The following FAM228B variants were observed in gnomAD, a reference collection of about 807,000 sequenced individuals.
FAM228B encodes family with sequence similarity 228 member B, also known as protein FAM228B.
FAM228B carries 38 observed loss-of-function variants against 42.6 expected under a neutral mutation model. The ratio of observed to expected loss-of-function variants is 0.89; its 90% CI spans 0.69 to 1.17. FAM228B has a LOEUF of 1.17. Ranked by LOEUF, FAM228B falls within the 50% of genes most tolerant of loss-of-function variation. FAM228B has a pLI of 0.00. For missense variants in FAM228B, 344 were observed against 367.3 expected, an observed-to-expected ratio of 0.94 and a Z score of 0.52; for synonymous variants, 109 against 122.3, an observed-to-expected ratio of 0.89 and a Z score of 0.72.
At chr2:24,163,091 CATAATA>C (rs550917090) in intron 8 of FAM228B, among the ~76,000 whole-genome samples, 1 of 151,998 alleles carries the variant, frequency 6.6e-6, no homozygotes, top group African/African-American at 2.4e-5. Context: ...TAAAATTGTT[CATAATA>C]ATAATAAAAA....
chr2:24,106,605 C>T (rs1205022117), intron 3 of FAM228B, among the ~76,000 whole-genome samples: 2 of 152,094 alleles, frequency 1.3e-5, no homozygotes, highest in Non-Finnish European at 2.9e-5. Flanking sequence ...CAGGTATGAG[C>T]CACCTTACCT....
intron 7 of FAM228B, among the ~76,000 whole-genome samples, chr2:24,151,473 T>C (rs1297295405): frequency 6.6e-6 from 1 of 151,590 alleles, no homozygotes; most frequent in African/African-American, 2.4e-5. Flanking sequence ...TGTATTTTTA[T>C]TAGAGATGGG....
intron 3 of FAM228B, among the ~76,000 whole-genome samples, chr2:24,103,858 G>A (rs567465577): frequency 6.6e-6 from 1 of 152,154 alleles, no homozygotes; most frequent in Non-Finnish European, 1.5e-5. Flanking sequence ...GAAATTATTG[G>A]CATGGGGGCT....
intron 3 of FAM228B, among the ~76,000 whole-genome samples, chr2:24,136,867 C>T (rs1666604101): frequency 6.6e-6 from 1 of 152,142 alleles, no homozygotes; most frequent in African/African-American, 2.4e-5. Flanking sequence ...CCACTATTTC[C>T]AAAACTTTTT....
intron 2 of FAM228B, among the ~76,000 whole-genome samples, chr2:24,089,311 G>A (rs565529175): frequency 1.3e-5 from 2 of 152,210 alleles, no homozygotes; most frequent in African/African-American, 4.8e-5. Flanking sequence ...AATAGCCAAG[G>A]TCTGAAAGAC....
chr2:24,136,051 TTC>T (rs1458988066), intron 3 of FAM228B, among the ~76,000 whole-genome samples: 1 of 94,138 alleles, frequency 1.1e-5, no homozygotes, highest in Non-Finnish European at 2.2e-5. Context: ...TGGATAACCC[TTC>T]TTTTTTTTTT....
upstream of FAM228B, chr2:24,119,647 C>T (rs1298397885): frequency 3.1e-6 from 5 of 1,613,630 alleles, no homozygotes; most frequent in Non-Finnish European, 4.2e-6. Flanking sequence ...CCAGAAGATA[C>T]AGATGGGTCT....
intron 7 of FAM228B, among the ~76,000 whole-genome samples, chr2:24,151,184 A>C (rs1313043759): frequency 6.6e-6 from 1 of 150,590 alleles, no homozygotes; most frequent in African/African-American, 2.4e-5. Context: ...TCACTAATAC[A>C]TTTTTCTGTT....
rs559245735 is a variant in FAM228B, at chr2:24,095,768, G to T, written c.-121+539G>T. 6.6e-6 allele frequency: 1 copy of T among 152,270 alleles called. No homozygotes were observed. Among genetic ancestry groups the T allele is most frequent in the African/African-American group, 2.4e-5 (1 of 41,444 alleles). The allele number at this position is 152,270 out of a possible 1,614,324, so 9.4% of individuals were successfully genotyped here. On this transcript the variant is annotated intron_variant, in intron 3 of 10. Transcript: ENST00000613899. The surrounding 1 kb of genome is among the most constrained non-coding windows in gnomAD (Gnocchi z 4.8). ...AAGAGAGCATTGGTTCTCTCAGCAC[G>T]GTGTTTGAGCTCTGAGAACGGACAG...
chr2:24,117,296 G>A (rs532573879), intron 3 of FAM228B, among the ~76,000 whole-genome samples: 9 of 152,252 alleles, frequency 5.9e-5, no homozygotes, highest in East Asian at 1.9e-4. Context: ...GATTACAGGC[G>A]TGAGCCACTG....
chr2:24,135,111 C>T lies in FAM228B; in HGVS notation c.100-8C>T. 1 of 1,467,016 alleles carries T rather than the reference C, an allele frequency of 6.8e-7. No individual in the cohort carries two copies. Among genetic ancestry groups the T allele is most frequent in the Non-Finnish European group, 9.3e-7 (1 of 1,081,018 alleles). The allele number at this position is 1,467,016 out of a possible 1,614,324, so 90.9% of individuals were successfully genotyped here. A position where few individuals can be genotyped will look rare whatever the true frequency, so the allele number is the denominator to read the frequency against. On this transcript the variant is annotated splice_polypyrimidine_tract_variant and splice_region_variant and intron_variant, in intron 2 of 10. Coordinates refer to ENST00000615575, the MANE Select transcript of FAM228B (RefSeq NM_001145710.2). ...TTTTCTTTTCAAAGTTTAATTCTGT[C>T]CTTTCAGGTTTTAGCTAAAGAAGAT...
chr2:24,111,347 C>T (rs1398006732), intron 3 of FAM228B, among the ~76,000 whole-genome samples: 2 of 152,208 alleles, frequency 1.3e-5, no homozygotes, highest in Non-Finnish European at 2.9e-5. Flanking sequence ...GCATGAGCCA[C>T]CGCACCTGGC....
At chr2:24,167,213 G>C (rs1381983260) in intron 9 of FAM228B, among the ~76,000 whole-genome samples, 2 of 152,200 alleles carry the variant, frequency 1.3e-5, no homozygotes, top group African/African-American at 2.4e-5. Flanking sequence ...CCAGGCTCCA[G>C]CGTGGGTGGA....
intron 8 of FAM228B, among the ~76,000 whole-genome samples, chr2:24,163,909 C>T (rs1192154619): frequency 1.3e-5 from 2 of 152,098 alleles, no homozygotes; most frequent in African/African-American, 4.8e-5. Context: ...CAGAGTTAGA[C>T]CTTCTCAGGG....
chr2:24,147,008 C>CT lies in FAM228B; in HGVS notation c.608_609insT (p.Arg204LysfsTer20), dbSNP rs1187535657. On this transcript the variant is annotated frameshift_variant, in exon 7 of 11. Transcript: ENST00000615575. LOFTEE classifies it high-confidence loss of function. ...TCCAGATTCCCACAAATTTCTAATTCAAGGCACTTTATAACTCCAAACGAG... is the reference window on the plus strand; with the variant it reads ...TCCAGATTCCCACAAATTTCTAATTCTAAGGCACTTTATAACTCCAAACGAG... The CT allele has an allele frequency of 7.7e-6, 12 of 1,551,310 alleles. No homozygotes were observed. Among genetic ancestry groups the CT allele is most frequent in the Non-Finnish European group, 1.0e-5 (12 of 1,146,706 alleles).
intron 3 of FAM228B, among the ~76,000 whole-genome samples, chr2:24,117,444 C>CT (rs34376278): frequency 1.9e-3 from 267 of 140,208 alleles, no homozygotes; most frequent in Non-Finnish European, 2.4e-3. Context: ...TCTTCTTCTT[C>CT]TTTTTTTTTT....
intron 2 of FAM228B, among the ~76,000 whole-genome samples, chr2:24,132,829 A>G (rs1201596863): frequency 1.3e-5 from 2 of 152,164 alleles, no homozygotes; most frequent in African/African-American, 2.4e-5. Context: ...TGCTGAACTC[A>G]ATCTCCAAAC....
Position 24,167,630 on chromosome 2 carries a change from T to C in FAM228B, c.936T>C (p.Ser312=), listed in dbSNP as rs1272600814. 16 of 1,551,344 alleles carry C rather than the reference T, an allele frequency of 1.0e-5. No homozygotes were observed. The highest frequency in any genetic ancestry group is 1.0e-5 in the Non-Finnish European group (12 of 1,146,848). ...SQEREEDQDG[S]PSPRLGLLKL... is the part of the protein sequence containing the mutation. ...AAAGCTTCAATCTTCATTTAAGGTCTCCCTCCCCGCGTTTGGGGCTGCTGA... is the reference window on the plus strand; with the variant it reads ...AAAGCTTCAATCTTCATTTAAGGTCCCCCTCCCCGCGTTTGGGGCTGCTGA... The change falls in exon 10 of 11, where the codon TCT becomes TCC. Residue 312 remains serine, a synonymous_variant. Coordinates refer to ENST00000615575, the MANE Select transcript of FAM228B (RefSeq NM_001145710.2).
chr2:24,086,604 A>G (rs555515918), intron 2 of FAM228B, among the ~76,000 whole-genome samples: 5 of 151,564 alleles, frequency 3.3e-5, no homozygotes, highest in African/African-American at 1.2e-4. Flanking sequence ...GGACTCAAGC[A>G]ATCCTCCTGC....
Sources: allele counts gnomAD v4.1 joint callset (sites outside exome capture counted in the v4.1 genomes callset), GRCh38; gene constraint gnomAD v4.1.1; non-coding constraint Gnocchi (gnomAD v3.1); transcripts MANE v1.5; gene names NCBI Gene and HGNC (gene_info 2026-07-23, HGNC 2026-07-21).